ADGRL2: variants seen among roughly 807,000 people sequenced by gnomAD.
The protein encoded by ADGRL2 is calcium-independent alpha-latrotoxin receptor 2.
A neutral mutation model predicts 157.4 loss-of-function variants in ADGRL2; 44 were observed. The observed-to-expected ratio is 0.28, with a 90% CI of 0.22 to 0.36. The LOEUF (loss-of-function observed/expected upper bound fraction) is 0.36. Among genes scored for constraint, ADGRL2 ranks in the 10% least tolerant of loss-of-function variants. ADGRL2 has a pLI of 1.00. For synonymous variants in ADGRL2, 585 were observed against 624.7 expected, an observed-to-expected ratio of 0.94 and a Z score of 0.95; for missense variants, 1,510 against 1,768.9, an observed-to-expected ratio of 0.85 and a Z score of 2.63.
At chr1:81,503,066 G>T in intron 2 of ADGRL2, 1 of 1,609,494 alleles carries the variant, frequency 6.2e-7, no homozygotes, top group Middle Eastern at 1.7e-4. Flanking sequence ...CTGCGGGAGC[G>T]GCTGGAGTCA....
At chr1:81,755,148 T>TTA (rs5775638) in intron 1 of ADGRL2, among the ~76,000 whole-genome samples, 43,700 of 143,486 alleles carry the variant, frequency 0.3, 7,434 homozygotes, top group East Asian at 0.58. Context: ...ATATATGTGT[T>TTA]TATATATATA....
At chr1:81,814,364 C>G (rs1210708371) in intron 1 of ADGRL2, among the ~76,000 whole-genome samples, 1 of 151,310 alleles carries the variant, frequency 6.6e-6, no homozygotes. Context: ...AATAGTCCTT[C>G]AAGTGAGAGT....
intron 3 of ADGRL2, among the ~76,000 whole-genome samples, chr1:81,617,586 C>T (rs1402967175): frequency 6.6e-6 from 1 of 152,192 alleles, no homozygotes; most frequent in Non-Finnish European, 1.5e-5. Context: ...TTGCTTTCCA[C>T]CTGGGATGTG....
At chr1:81,977,093 A>T (rs982606860) in intron 17 of ADGRL2, among the ~76,000 whole-genome samples, 1 of 151,904 alleles carries the variant, frequency 6.6e-6, no homozygotes, top group South Asian at 2.1e-4. Context: ...ACCACAGTAT[A>T]TTGAATCCCA....
chr1:81,921,915 C>CT (rs1200538956), intron 3 of ADGRL2, among the ~76,000 whole-genome samples: 2 of 152,068 alleles, frequency 1.3e-5, no homozygotes, highest in Non-Finnish European at 2.9e-5. Context: ...GCCAAACACT[C>CT]TAACAGTATT....
intron 2 of ADGRL2, among the ~76,000 whole-genome samples, chr1:81,501,558 C>T (rs1557738271): frequency 1.3e-5 from 2 of 152,210 alleles, no homozygotes; most frequent in Non-Finnish European, 2.9e-5. Flanking sequence ...TCCACATTAA[C>T]ATCATTTATA....
intron 1 of ADGRL2, among the ~76,000 whole-genome samples, chr1:81,729,700 T>C (rs1016515670): frequency 8.5e-5 from 13 of 152,222 alleles, no homozygotes; most frequent in Non-Finnish European, 5.9e-5. Context: ...TTTCTGACAG[T>C]TAATCTTTCC....
At chr1:81,396,432 T>C (rs2076656347) in intron 1 of ADGRL2, among the ~76,000 whole-genome samples, 1 of 152,182 alleles carries the variant, frequency 6.6e-6, no homozygotes, top group Admixed American at 6.5e-5. Flanking sequence ...TATATGACCA[T>C]GTTCCCGCAA....
chr1:81,723,297 C>T (rs532157913), intron 1 of ADGRL2, among the ~76,000 whole-genome samples: 1 of 152,284 alleles, frequency 6.6e-6, no homozygotes, highest in South Asian at 2.1e-4. Flanking sequence ...GAATTAATCC[C>T]TACCTCTCTC....
At chr1:81,526,379 C>T (rs1557428145) in intron 2 of ADGRL2, among the ~76,000 whole-genome samples, 1 of 152,136 alleles carries the variant, frequency 6.6e-6, no homozygotes, top group Non-Finnish European at 1.5e-5. Context: ...CATTATTACC[C>T]TCCTTTCACT....
At chr1:81,804,531 A>G (rs1249997134) in intron 1 of ADGRL2, among the ~76,000 whole-genome samples, 1 of 152,216 alleles carries the variant, frequency 6.6e-6, no homozygotes, top group African/African-American at 2.4e-5. Flanking sequence ...AAGGGTAAAA[A>G]TAGGGAGGTG....
At chr1:81,847,077 G>T (rs546226362) in intron 2 of ADGRL2, among the ~76,000 whole-genome samples, 7 of 151,548 alleles carry the variant, frequency 4.6e-5, no homozygotes, top group African/African-American at 9.7e-5. Flanking sequence ...GAAGGGAAAT[G>T]GAACCCATTG....
rs142011556 is a variant in ADGRL2 at position 81,364,602 on chromosome 1, T to A, written c.-302+58093T>A. On this transcript the variant is annotated intron_variant, in intron 1 of 24. Transcript: ENST00000370721. The stretch of plus-strand genomic sequence containing the variant: ...AGGAAGTAAATTAATTAGCGAGAAC[T>A]GAAAAATTGTAAGCAGTACACTTGT... Among the ~76,000 whole-genome samples the A allele has an allele frequency of 2.7e-3, 415 of 152,132 alleles. 2 individuals are homozygous for A. Among genetic ancestry groups the A allele is most frequent in the African/African-American group, 9.6e-3 (398 of 41,524 alleles).
At chr1:81,713,795 G>A (rs753425064) in intron 1 of ADGRL2, among the ~76,000 whole-genome samples, 2 of 152,178 alleles carry the variant, frequency 1.3e-5, no homozygotes, top group African/African-American at 2.4e-5. Context: ...TGAGGGGCTT[G>A]TCTCAAAAGC....
chr1:81,353,802 G>A (rs1462456301), intron 1 of ADGRL2, among the ~76,000 whole-genome samples: 1 of 152,294 alleles, frequency 6.6e-6, no homozygotes, highest in African/African-American at 2.4e-5. Context: ...TATGGCTCTG[G>A]ATCTCACAAG....
intron 1 of ADGRL2, among the ~76,000 whole-genome samples, chr1:81,406,220 C>T (rs2101348550): frequency 6.6e-6 from 1 of 152,222 alleles, no homozygotes; most frequent in Non-Finnish European, 1.5e-5. Flanking sequence ...AAATCACAGA[C>T]CCTCTGTGTT....
At chr1:81,502,627 A>G in intron 2 of ADGRL2, 4 of 1,614,016 alleles carry the variant, frequency 2.5e-6, no homozygotes, top group Non-Finnish European at 3.4e-6. Flanking sequence ...ACCTGCCCAC[A>G]TCCATCACCA....
chr1:81,623,315 A>C (rs1196305800), intron 3 of ADGRL2, among the ~76,000 whole-genome samples: 1 of 152,210 alleles, frequency 6.6e-6, no homozygotes, highest in African/African-American at 2.4e-5. Context: ...TTAAATATGG[A>C]GCATAAGTGT....
chr1:81,985,726 A>G (rs1419900006), intron 21 of ADGRL2, among the ~76,000 whole-genome samples: 1 of 152,052 alleles, frequency 6.6e-6, no homozygotes, highest in African/African-American at 2.4e-5. Context: ...ATGAAAGTTT[A>G]TAAAGTAATT....
Sources: gnomAD v4.1 joint callset for allele counts (sites outside exome capture counted in the v4.1 genomes callset) on GRCh38, gnomAD v4.1.1 for gene constraint, MANE v1.5 for transcripts, NCBI Gene and HGNC (gene_info 2026-07-23, HGNC 2026-07-21) for gene names.